Variants in INVS observed in about 807,000 individuals in gnomAD.
The protein encoded by INVS is inversin.
In INVS, 86 loss-of-function variants were observed where a neutral mutation model predicts 108.8. The ratio of observed to expected loss-of-function variants is 0.79; its 90% CI spans 0.66 to 0.95. The LOEUF (loss-of-function observed/expected upper bound fraction) is 0.95, where lower values mean the gene tolerates loss of function less well. INVS is among the 40% of genes least tolerant of loss of function. The pLI, the probability that INVS is intolerant of heterozygous loss-of-function variation, is 0.00. For missense variants in INVS, 1,169 were observed against 1,297.4 expected, an observed-to-expected ratio of 0.90 and a Z score of 1.52; for synonymous variants, 455 against 473.5, an observed-to-expected ratio of 0.96 and a Z score of 0.51.
chr9:100,187,439 G>T (rs1430584322), intron 3 of INVS, among the ~76,000 whole-genome samples: 1 of 151,774 alleles, frequency 6.6e-6, no homozygotes, highest in East Asian at 1.9e-4. Flanking sequence ...AGATTGCTTT[G>T]GGCAGTATGG....
intron 4 of INVS, 141 bp from the exon 5 acceptor site, chr9:100,229,519 G>A: frequency 1.4e-6 from 1 of 722,492 alleles, no homozygotes; most frequent in Non-Finnish European, 2.5e-6. Context: ...TGAACACAGA[G>A]ACCTGAAATC....
intron 5 of INVS, among the ~76,000 whole-genome samples, chr9:100,238,557 A>G (rs1052423932): frequency 2.6e-5 from 4 of 152,008 alleles, no homozygotes; most frequent in African/African-American, 9.7e-5. Flanking sequence ...TCTTGCCTTT[A>G]GGGTCTCCAA....
At chr9:100,131,288 G>A (rs1325771499) in intron 3 of INVS, among the ~76,000 whole-genome samples, 1 of 151,924 alleles carries the variant, frequency 6.6e-6, no homozygotes, top group Non-Finnish European at 1.5e-5. Flanking sequence ...ATACAAATAC[G>A]AGACCTTTTG....
Position 100,292,895 on chromosome 9 carries a change from G to T in INVS, c.2638G>T (p.Ala880Ser), listed in dbSNP as rs2118764080. 1 of 1,614,162 alleles carries T rather than the reference G, an allele frequency of 6.2e-7. No homozygotes were observed. The highest frequency in any genetic ancestry group is 8.5e-7 in the Non-Finnish European group (1 of 1,180,000). ...DFQVSKETDP[A>S]PGPLSGQSVN... The stretch of plus-strand genomic sequence containing the variant: ...TCAGGTATCTAAGGAGACTGATCCA[G>T]CACCTGGTCCCCTCTCTGGGCAGAG... The change falls in exon 14 of 17, where the codon GCA becomes TCA. Residue 880 changes from alanine (A) to serine (S), a missense_variant. By Grantham distance (99) the Ala-to-Ser change is moderately conservative (BLOSUM62 1). This residue lies in a region of INVS where 533 missense variants were observed against 536.0 expected (regional missense o/e 0.99). Transcript: ENST00000262457.
intron 14 of INVS, among the ~76,000 whole-genome samples, chr9:100,295,431 T>G (rs1833762489): frequency 6.6e-6 from 1 of 152,174 alleles, no homozygotes; most frequent in South Asian, 2.1e-4. Flanking sequence ...CACACTTTTA[T>G]TGATTCTATT....
intron 3 of INVS, among the ~76,000 whole-genome samples, chr9:100,165,352 G>C (rs1829328161): frequency 6.6e-6 from 1 of 152,068 alleles, no homozygotes; most frequent in Non-Finnish European, 1.5e-5. Flanking sequence ...TTAACAATTA[G>C]TGGTGCTCAG....
intron 8 of INVS, among the ~76,000 whole-genome samples, chr9:100,249,260 GA>G (rs1395548089): frequency 6.6e-6 from 1 of 152,108 alleles, no homozygotes. Context: ...TACCTCTATA[GA>G]AAGCTGTTGT....
chr9:100,215,049 A>T (rs1363983695), intron 3 of INVS: 1 of 152,212 alleles, frequency 6.6e-6, no homozygotes, highest in Non-Finnish European at 1.5e-5. Flanking sequence ...GGGTAAGTAC[A>T]TATGGGACAA....
At chr9:100,288,575 G>A (rs1221246479) in intron 13 of INVS, among the ~76,000 whole-genome samples, 1 of 151,598 alleles carries the variant, frequency 6.6e-6, no homozygotes, top group Non-Finnish European at 1.5e-5. Context: ...GGCCTATTAT[G>A]TACCACCTCA....
intron 10 of INVS, among the ~76,000 whole-genome samples, chr9:100,264,618 C>CAA (rs36049678): frequency 7.5e-4 from 95 of 127,332 alleles, no homozygotes; most frequent in Admixed American, 2.0e-3. Context: ...AACTCCGTCT[C>CAA]AAAAAAAAAA....
intron 3 of INVS, among the ~76,000 whole-genome samples, chr9:100,161,388 A>AAAAACAAAAAAAAAAAC (rs1829181895): frequency 7.2e-6 from 1 of 139,046 alleles, no homozygotes; most frequent in African/African-American, 2.9e-5. Flanking sequence ...AAAAAAAAAA[A>AAAAACAAAAAAAAAAAC]AAAACCTCAT....
chr9:100,220,224 CCTT>C lies in INVS; in HGVS notation c.274-5837_274-5835del, dbSNP rs376526129. 1.3e-4 allele frequency among the ~76,000 whole-genome samples: 20 copies of C among 152,104 alleles called. No homozygotes were observed. The East Asian group carries it at 2.9e-3, about 22-fold the overall frequency. ...TTTGACCTAATTTGTTTCCCAGATT[CCTT>C]TCAAGTGCTGTTCTCTGGGTCAGAG... On this transcript the variant is annotated intron_variant, in intron 3 of 16. Coordinates refer to ENST00000262457, the MANE Select transcript of INVS (RefSeq NM_014425.5).
intron 3 of INVS, among the ~76,000 whole-genome samples, chr9:100,197,969 C>G (rs7854689): frequency 0.19 from 29,351 of 151,996 alleles, 4,516 homozygotes; most frequent in African/African-American, 0.43. Flanking sequence ...GTTTCTGAGG[C>G]CTAAAGCACC....
At chr9:100,300,389 T>C (rs1833927641) in intron 16 of INVS, among the ~76,000 whole-genome samples, 179 bp from the exon 17 acceptor site, 1 of 152,158 alleles carries the variant, frequency 6.6e-6, no homozygotes, top group African/African-American at 2.4e-5. Flanking sequence ...ATGTCCCATA[T>C]CTTGAGACTG....
intron 3 of INVS, among the ~76,000 whole-genome samples, chr9:100,223,009 C>T (rs1831200026): frequency 6.6e-6 from 1 of 151,702 alleles, no homozygotes; most frequent in Non-Finnish European, 1.5e-5. Context: ...AACCAAATAC[C>T]AGGTATTTGA....
intron 2 of INVS, chr9:100,116,793 C>T (rs1411667814): frequency 2.1e-6 from 3 of 1,431,806 alleles, no homozygotes; most frequent in South Asian, 1.5e-5. Context: ...GTCCGCTGCA[C>T]GGAGACTCTG....
intron 12 of INVS, among the ~76,000 whole-genome samples, chr9:100,276,337 A>G (rs1408044008): frequency 6.6e-6 from 1 of 152,002 alleles, no homozygotes; most frequent in Non-Finnish European, 1.5e-5. Flanking sequence ...TTTCACTATA[A>G]CTTCAGACTC....
At chr9:100,198,755 G>A (rs1022839077) in intron 3 of INVS, among the ~76,000 whole-genome samples, 1 of 151,740 alleles carries the variant, frequency 6.6e-6, no homozygotes, top group Non-Finnish European at 1.5e-5. Flanking sequence ...ACCACGCCTA[G>A]CTAATTTTTG....
At chr9:100,134,667 G>A (rs1828168200) in intron 3 of INVS, among the ~76,000 whole-genome samples, 1 of 152,090 alleles carries the variant, frequency 6.6e-6, no homozygotes, top group African/African-American at 2.4e-5. Flanking sequence ...TTGTGTTGTG[G>A]TTTTGATTTG....
Sources: gnomAD v4.1 joint callset for allele counts (sites outside exome capture counted in the v4.1 genomes callset) on GRCh38, gnomAD v4.1.1 for gene constraint, gnomAD v4.1.1 regional missense constraint, MANE v1.5 for transcripts, NCBI Gene and HGNC (gene_info 2026-07-23, HGNC 2026-07-21) for gene names.